CASD1: variants seen among roughly 807,000 people sequenced by gnomAD.
The protein encoded by CASD1 is CAS1 domain sialic acid O acetyltransferase 1.
A neutral mutation model predicts 100.0 loss-of-function variants in CASD1; 41 were observed. The ratio of observed to expected loss-of-function variants is 0.41; its 90% CI spans 0.32 to 0.53. The LOEUF (loss-of-function observed/expected upper bound fraction) is 0.53. Among genes scored for constraint, CASD1 ranks in the 20% least tolerant of loss-of-function variants. The probability of loss-of-function intolerance (pLI) is 0.25; values close to 1 mark genes in which losing one functional copy is unlikely to be tolerated. For missense variants in CASD1, 774 were observed against 948.7 expected, an observed-to-expected ratio of 0.82 and a Z score of 2.42; for synonymous variants, 321 against 315.6, an observed-to-expected ratio of 1.02 and a Z score of -0.18.
chr7:94,545,776 ATAT>A (rs2116386584), intron 12 of CASD1, 75 bp downstream of exon 12: 6 of 930,540 alleles, frequency 6.4e-6, no homozygotes, highest in South Asian at 5.8e-5. Context: ...TTGCTAAATG[ATAT>A]TATTTTTATT....
intron 17 of CASD1, 107 bp from the exon 18 acceptor site, chr7:94,555,385 G>T: frequency 1.8e-6 from 2 of 1,124,822 alleles, no homozygotes; most frequent in East Asian, 2.6e-5. Flanking sequence ...ATGGTTTTAG[G>T]AAAGCCTTCT....
At position 94,537,790 on chromosome 7, in the gene CASD1, A is replaced by G. The variant is rs116301340; in HGVS notation, c.1162A>G (p.Asn388Asp). The G allele has an allele frequency of 3.4e-5, 55 of 1,613,024 alleles. No individual in the cohort carries two copies. In the African/African-American group the frequency reaches 5.5e-4, roughly 16 times the overall value. The part of the protein sequence containing the change: ...MAYFYMCDRA[N>D]LFMKENKFYT... The stretch of plus-strand genomic sequence containing the variant: ...ATATTTCTATATGTGTGACCGTGCA[A>G]ATCTGTTCATGAAGGAAAACAAATT... The change falls in exon 9 of 18, where the codon AAT becomes GAT. Residue 388 changes from asparagine (N) to aspartate (D), a missense_variant. This residue lies in a region of CASD1 where 453 missense variants were observed against 532.6 expected (regional missense o/e 0.85). Coordinates refer to ENST00000297273, the MANE Select transcript of CASD1 (RefSeq NM_022900.5).
chr7:94,519,714 C>T (rs898936915), intron 3 of CASD1, among the ~76,000 whole-genome samples: 12 of 151,836 alleles, frequency 7.9e-5, no homozygotes, highest in African/African-American at 2.9e-4. Flanking sequence ...ACTATTTCGC[C>T]CAAGCTGGTC....
At chr7:94,542,982 A>T (rs1051025441) in intron 10 of CASD1, among the ~76,000 whole-genome samples, 1 of 152,214 alleles carries the variant, frequency 6.6e-6, no homozygotes, top group Non-Finnish European at 1.5e-5. Context: ...CTCAGGAAGG[A>T]GAAATGACAT....
At chr7:94,541,367 C>T (rs1039375515) in intron 10 of CASD1, among the ~76,000 whole-genome samples, 1 of 151,470 alleles carries the variant, frequency 6.6e-6, no homozygotes, top group African/African-American at 2.4e-5. Context: ...ATAACTGTAT[C>T]AAAAATTCTA....
the CASD1 span, among the ~76,000 whole-genome samples, chr7:94,596,668 T>G: frequency 3.1e-3 from 477 of 152,266 alleles, 2 homozygotes; most frequent in African/African-American, 0.011. Flanking sequence ...TGCCTTGTAC[T>G]TATTAATTAA....
chr7:94,555,725 C>G lies in CASD1; in HGVS notation c.2361C>G (p.Ile787Met). ...CIAAFFCGLL[I>M]LSSIQDKSKH ...CTGCATTTTTTTGTGGACTCCTCATCTTATCATCCATTCAAGATAAATCAA... is the reference window on the plus strand; with the variant it reads ...CTGCATTTTTTTGTGGACTCCTCATGTTATCATCCATTCAAGATAAATCAA... Residue 787 changes from isoleucine to methionine, a missense_variant, in exon 18 of 18, where the codon ATC becomes ATG. Ile to Met is a conservative substitution (Grantham distance 10). Around this residue, in one of 5 missense-constraint regions of CASD1, gnomAD observed 175 missense variants for 206.9 expected, o/e 0.85. Transcript: ENST00000297273. 1 of 1,613,044 alleles carries G rather than the reference C, an allele frequency of 6.2e-7. No homozygotes were observed. Among genetic ancestry groups the G allele is most frequent in the East Asian group, 2.2e-5 (1 of 44,832 alleles).
the CASD1 span, chr7:94,590,470 A>G: frequency 1.3e-5 from 2 of 152,184 alleles, no homozygotes; most frequent in Admixed American, 6.5e-5. Context: ...AGCAGTAAGC[A>G]TTATAAAGTA....
At chr7:94,516,942 C>CA (rs1323098641) in intron 1 of CASD1, among the ~76,000 whole-genome samples, 1 of 150,998 alleles carries the variant, frequency 6.6e-6, no homozygotes, top group East Asian at 1.9e-4. Context: ...CTAGCTCTGT[C>CA]ACCCAGGCTG....
At chr7:94,514,935 A>T (rs919401097) in intron 1 of CASD1, among the ~76,000 whole-genome samples, 19 of 152,076 alleles carry the variant, frequency 1.2e-4, no homozygotes, top group Non-Finnish European at 2.6e-4. Flanking sequence ...TGTTAGGTTT[A>T]TATTTAGTGA....
intron 5 of CASD1, among the ~76,000 whole-genome samples, chr7:94,528,631 T>C (rs2116279932): frequency 6.6e-6 from 1 of 152,324 alleles, no homozygotes; most frequent in South Asian, 2.1e-4. Flanking sequence ...AGGAAACTTT[T>C]GTTTATTTGT....
At chr7:94,576,947 T>C in the CASD1 span, among the ~76,000 whole-genome samples, 1 of 152,172 alleles carries the variant, frequency 6.6e-6, no homozygotes, top group African/African-American at 2.4e-5. Flanking sequence ...GTAGTGAAGT[T>C]TTCATCTCAG....
downstream of CASD1, among the ~76,000 whole-genome samples, chr7:94,557,826 A>G (rs1011134399): frequency 6.6e-6 from 1 of 151,950 alleles, no homozygotes; most frequent in African/African-American, 2.4e-5. Flanking sequence ...GATTTTCTTA[A>G]TTAGTCTTAA....
chr7:94,627,009 T>A, the CASD1 span: 1 of 152,076 alleles, frequency 6.6e-6, no homozygotes, highest in Non-Finnish European at 1.5e-5. Flanking sequence ...ATTTCTTTTA[T>A]AACTTTTACT....
At chr7:94,590,266 T>C in the CASD1 span, among the ~76,000 whole-genome samples, 2 of 152,194 alleles carry the variant, frequency 1.3e-5, no homozygotes, top group African/African-American at 4.8e-5. Flanking sequence ...ATTTTTAACA[T>C]ATTATTTTTA....
the CASD1 span, chr7:94,587,664 C>A: frequency 6.6e-7 from 1 of 1,506,050 alleles, no homozygotes; most frequent in Non-Finnish European, 8.8e-7. Flanking sequence ...ATATATTGAA[C>A]AGTCTTGTTG....
the CASD1 span, among the ~76,000 whole-genome samples, chr7:94,608,856 A>C: frequency 6.6e-6 from 1 of 152,220 alleles, no homozygotes; most frequent in East Asian, 1.9e-4. Flanking sequence ...TGTTGAAAAA[A>C]CTAGACTTAT....
chr7:94,563,814 G>C, the CASD1 span, among the ~76,000 whole-genome samples: 1 of 152,040 alleles, frequency 6.6e-6, no homozygotes, highest in Non-Finnish European at 1.5e-5. Flanking sequence ...CTTTGCAGTA[G>C]GGAATACAAG....
At chr7:94,541,170 A>G (rs367825744) in intron 10 of CASD1, among the ~76,000 whole-genome samples, 7 of 152,202 alleles carry the variant, frequency 4.6e-5, no homozygotes, top group South Asian at 2.1e-4. Context: ...AAAATTTCCT[A>G]TATCTACATA....
Sources: allele counts gnomAD v4.1 joint callset (sites outside exome capture counted in the v4.1 genomes callset), GRCh38; gene constraint gnomAD v4.1.1; regional missense constraint gnomAD v4.1.1; transcripts MANE v1.5; gene names NCBI Gene and HGNC (gene_info 2026-07-23, HGNC 2026-07-21).